The following OR51B5 variants were observed in gnomAD, a reference collection of about 807,000 sequenced individuals.
OR51B5 encodes olfactory receptor family 51 subfamily B member 5.
For synonymous variants in OR51B5, 186 were observed against 144.8 expected, an observed-to-expected ratio of 1.28 and a Z score of -2.04; for missense variants, 456 against 374.6, an observed-to-expected ratio of 1.22 and a Z score of -1.79.
At chr11:5,471,882 A>T (rs566924138) in intron 1 of OR51B5, among the ~76,000 whole-genome samples, 29 of 152,316 alleles carry the variant, frequency 1.9e-4, no homozygotes, top group African/African-American at 6.7e-4. Context: ...GAAGGTGCTT[A>T]TTCAGACTCC....
At chr11:5,484,366 C>A (rs1186181215) in intron 1 of OR51B5, among the ~76,000 whole-genome samples, 2 of 152,118 alleles carry the variant, frequency 1.3e-5, no homozygotes, top group Non-Finnish European at 2.9e-5. Flanking sequence ...TCCACACATC[C>A]TTAGATAATC....
intron 1 of OR51B5, among the ~76,000 whole-genome samples, chr11:5,452,504 C>CAAAAAAAAAAAAAAAAAAAAAAAAAAAA (rs56677841): frequency 1.4e-5 from 1 of 69,188 alleles, no homozygotes; most frequent in Non-Finnish European, 2.6e-5. Context: ...GACTCTGTCT[C>CAAAAAAAAAAAAAAAAAAAAAAAAAAAA]AAAAAAAAAA....
At chr11:5,380,748 G>A (rs1374607253) in intron 1 of OR51B5, among the ~76,000 whole-genome samples, 1 of 152,140 alleles carries the variant, frequency 6.6e-6, no homozygotes, top group Non-Finnish European at 1.5e-5. Flanking sequence ...TGTCTATTTT[G>A]TGCATGAGAG....
At chr11:5,478,493 G>T (rs891600048) in intron 1 of OR51B5, among the ~76,000 whole-genome samples, 1 of 151,862 alleles carries the variant, frequency 6.6e-6, no homozygotes, top group Non-Finnish European at 1.5e-5. Context: ...CACCAGCAAC[G>T]GAACAAAGCT....
chr11:5,504,227 A>T (rs920527730), intron 1 of OR51B5, among the ~76,000 whole-genome samples: 3 of 152,226 alleles, frequency 2.0e-5, no homozygotes, highest in Non-Finnish European at 4.4e-5. Context: ...ACTGATGCTT[A>T]AAAGCACTTT....
chr11:5,357,748 A>G (rs559675887), intron 1 of OR51B5, among the ~76,000 whole-genome samples: 2 of 149,642 alleles, frequency 1.3e-5, no homozygotes, highest in Admixed American at 6.7e-5. Context: ...GAAGTAAAGC[A>G]CTCCTCAGCA....
chr11:5,393,255 A>T (rs1005713554), intron 1 of OR51B5: 11 of 152,222 alleles, frequency 7.2e-5, no homozygotes, highest in Non-Finnish European at 1.2e-4. Context: ...TATTGTTCAT[A>T]ATTTTAAGAA....
At chr11:5,406,256 C>A (rs1195831175) in intron 1 of OR51B5, among the ~76,000 whole-genome samples, 2 of 152,168 alleles carry the variant, frequency 1.3e-5, no homozygotes, top group Non-Finnish European at 2.9e-5. Context: ...TTAGATGTTT[C>A]TCAGATTATA....
chr11:5,418,764 A>T (rs1795467019), intron 1 of OR51B5, among the ~76,000 whole-genome samples: 1 of 151,992 alleles, frequency 6.6e-6, no homozygotes, highest in African/African-American at 2.4e-5. Context: ...GCATTAGGAG[A>T]AATACCTAAT....
chr11:5,345,304 T>TATTTTAAAAATCCATATGAAGAGTC, upstream of OR51B5, among the ~76,000 whole-genome samples: 1 of 152,266 alleles, frequency 6.6e-6, no homozygotes, highest in East Asian at 1.9e-4. Flanking sequence ...GTTAGAAAGC[T>TATTTTAAAAATCCATATGAAGAGTC]ATTTTAAAAA....
intron 1 of OR51B5, chr11:5,440,793 T>C (rs2133775749): frequency 6.2e-7 from 1 of 1,613,888 alleles, no homozygotes; most frequent in East Asian, 2.2e-5. Context: ...CATGCAGGTG[T>C]TGAGTGCCTT....
intron 1 of OR51B5, among the ~76,000 whole-genome samples, chr11:5,491,282 G>A (rs1055781698): frequency 1.3e-5 from 2 of 152,220 alleles, no homozygotes; most frequent in African/African-American, 4.8e-5. Context: ...ATGACGAAGA[G>A]TATTTTTACC....
At chr11:5,440,657 T>A (rs748141347) in intron 1 of OR51B5, 23 of 1,613,656 alleles carry the variant, frequency 1.4e-5, no homozygotes, top group Middle Eastern at 1.6e-4. Flanking sequence ...TGAGCATGGG[T>A]GGTACAAACA....
At chr11:5,366,696 A>G (rs1849374865) in intron 1 of OR51B5, among the ~76,000 whole-genome samples, 1 of 151,486 alleles carries the variant, frequency 6.6e-6, no homozygotes, top group Admixed American at 6.6e-5. Flanking sequence ...GGAGAAGGAG[A>G]AGAAAAAGTA....
At chr11:5,437,612 A>G (rs1037346673) in intron 1 of OR51B5, among the ~76,000 whole-genome samples, 7 of 152,232 alleles carry the variant, frequency 4.6e-5, no homozygotes, top group African/African-American at 1.7e-4. Flanking sequence ...ACATTCCTTT[A>G]GTTTTGAACC....
At chr11:5,450,076 T>C (rs1210063424) in intron 1 of OR51B5, among the ~76,000 whole-genome samples, 1 of 152,050 alleles carries the variant, frequency 6.6e-6, no homozygotes, top group Non-Finnish European at 1.5e-5. Context: ...CCATAAAGGA[T>C]CTCAGAGAAT....
chr11:5,468,748 T>C lies in OR51B5; in HGVS notation n.84+36821A>G, dbSNP rs746086568. ...TGGAGGCAATGGCCAGCACAGAATGTAGAATGAGCACATAGGAGAGGAGGA... is the reference window on the plus strand; with the variant it reads ...TGGAGGCAATGGCCAGCACAGAATGCAGAATGAGCACATAGGAGAGGAGGA... On this transcript the variant is annotated intron_variant and non_coding_transcript_variant, in intron 1 of 4. Transcript: ENST00000415970. The C allele has an allele frequency of 2.0e-5, 9 of 456,510 alleles. 1 individual carries two copies. The highest frequency in any genetic ancestry group is 1.4e-4 in the South Asian group (9 of 64,566). 28.3% of individuals were successfully genotyped at this position (456,510 alleles called of 1,614,324 possible). A position where few individuals can be genotyped will look rare whatever the true frequency, so the allele number is the denominator to read the frequency against.
chr11:5,343,632 A>G (rs1006689921), upstream of OR51B5: 3 of 573,080 alleles, frequency 5.2e-6, no homozygotes, highest in Admixed American at 3.5e-5. Context: ...ATTTTTTCCT[A>G]AAGATAATAA....
At chr11:5,363,237 T>TCACACA (rs3219794) in intron 1 of OR51B5, among the ~76,000 whole-genome samples, 35 of 143,120 alleles carry the variant, frequency 2.4e-4, no homozygotes, top group East Asian at 2.4e-3. Flanking sequence ...ACCCAACCCC[T>TCACACA]CACACACACA....
Sources: gnomAD v4.1 joint callset for allele counts (sites outside exome capture counted in the v4.1 genomes callset) on GRCh38, gnomAD v4.1.1 for gene constraint, MANE v1.5 for transcripts, NCBI Gene and HGNC (gene_info 2026-07-23, HGNC 2026-07-21) for gene names.